Variants in ATP6V1C2 observed in about 807,000 individuals in gnomAD.
ATP6V1C2 encodes ATPase H+ transporting V1 subunit C2, also known as V-type proton ATPase subunit C 2.
Under a neutral mutation model 56.8 loss-of-function variants are expected in ATP6V1C2, and 45 were observed. The ratio of observed to expected loss-of-function variants is 0.79; its 90% CI spans 0.62 to 1.02. ATP6V1C2 has a LOEUF of 1.02. ATP6V1C2 is among the 50% of genes least tolerant of loss of function. The pLI, the probability that ATP6V1C2 is intolerant of heterozygous loss-of-function variation, is 0.00. For synonymous variants in ATP6V1C2, 220 were observed against 201.3 expected, an observed-to-expected ratio of 1.09 and a Z score of -0.79; for missense variants, 463 against 519.7, an observed-to-expected ratio of 0.89 and a Z score of 1.06.
chr2:10,743,907 C>T (rs1445572918), intron 3 of ATP6V1C2, among the ~76,000 whole-genome samples: 1 of 151,488 alleles, frequency 6.6e-6, no homozygotes, highest in Non-Finnish European at 1.5e-5. Context: ...ATAGCTGGAA[C>T]CCGGAGGCGG....
intron 3 of ATP6V1C2, among the ~76,000 whole-genome samples, chr2:10,739,285 AAAATAAAT>A (rs143835779): frequency 6.6e-6 from 1 of 151,664 alleles, no homozygotes; most frequent in Non-Finnish European, 1.5e-5. Context: ...CTCCGTCTCA[AAAATAAAT>A]AAATAAATAA....
At position 10,783,451 on chromosome 2, in the gene ATP6V1C2, G is replaced by A. The variant is rs1255849980; in HGVS notation, c.*188G>A. ...TAAAATGCTCTCAAGTCCTTTGAATGTTCCAACAAATTCAAAACTTCATTT... is the reference window on the plus strand; with the variant it reads ...TAAAATGCTCTCAAGTCCTTTGAATATTCCAACAAATTCAAAACTTCATTT... On this transcript the variant is annotated 3_prime_UTR_variant, in exon 14 of 14. Transcript: ENST00000272238. 2 of 499,830 alleles carry A rather than the reference G, an allele frequency of 4.0e-6. No homozygotes were observed. The highest frequency in any genetic ancestry group is 2.6e-5 in the South Asian group (1 of 37,738). 31.0% of individuals were successfully genotyped at this position (499,830 alleles called of 1,614,324 possible). A position where few individuals can be genotyped will look rare whatever the true frequency, so the allele number is the denominator to read the frequency against.
chr2:10,729,780 A>C (rs1489250266), intron 3 of ATP6V1C2, among the ~76,000 whole-genome samples: 1 of 152,136 alleles, frequency 6.6e-6, no homozygotes, highest in Non-Finnish European at 1.5e-5. Context: ...GCTTGAGCCC[A>C]GGAGGTCGAG....
rs1182365102 is a variant in ATP6V1C2 at position 10,783,998 on chromosome 2, G to C, written c.*735G>C. On this transcript the variant is annotated 3_prime_UTR_variant, in exon 14 of 14. Transcript: ENST00000272238. ...CAGCAGTCAGAGAGAAAAATGTTTC[G>C]ACAGCCAAGTTTTCTTCAAAATATT... The C allele has an allele frequency of 1.4e-5, 4 of 290,162 alleles. No individual in the cohort carries two copies. Among genetic ancestry groups the C allele is most frequent in the African/African-American group, 2.2e-5 (1 of 45,728 alleles). The allele number at this position is 290,162 out of a possible 1,614,324, so 18.0% of individuals were successfully genotyped here.
intron 13 of ATP6V1C2, among the ~76,000 whole-genome samples, 175 bp from the exon 14 acceptor site, chr2:10,782,999 T>C (rs1665481114): frequency 6.6e-6 from 1 of 152,102 alleles, no homozygotes; most frequent in African/African-American, 2.4e-5. Context: ...CAGCCTGTTA[T>C]GAAAATCTAC....
chr2:10,726,501 G>C lies in ATP6V1C2; in HGVS notation c.130-1G>C. 1 of 1,613,794 alleles carries C rather than the reference G, an allele frequency of 6.2e-7. No individual in the cohort carries two copies. The highest frequency in any genetic ancestry group is 8.5e-7 in the Non-Finnish European group (1 of 1,179,690). ...CTCTGACGTTTTTATGATCTGTCTA[G>C]GTGGGGACCTTGGATTCCCTGGTTG... is the stretch of plus-strand genomic sequence containing the variant. On this transcript the variant is annotated splice_acceptor_variant, in intron 2 of 13. Coordinates refer to ENST00000272238, the MANE Select transcript of ATP6V1C2 (RefSeq NM_001039362.2). LOFTEE classifies it high-confidence loss of function.
intron 11 of ATP6V1C2, chr2:10,778,345 C>A: frequency 1.8e-6 from 1 of 557,602 alleles, no homozygotes; most frequent in Non-Finnish European, 3.2e-6. Context: ...CTGTGGTGGC[C>A]CCGTGCATGC....
In ATP6V1C2 at chr2:10,763,196, G is replaced by A. The variant is rs151103598; in HGVS notation, c.284-1135G>A. Among the ~76,000 whole-genome samples, 33 of 152,176 alleles carry A rather than the reference G, an allele frequency of 2.2e-4. No homozygotes were observed. The highest frequency in any genetic ancestry group is 2.1e-3 in the South Asian group (10 of 4,818). ...CCTCTTCCCTGACTCACAGTGCCCC[G>A]AGTACGTAGCGCTGCCAGCCCTCCT... is the stretch of plus-strand genomic sequence containing the variant. On this transcript the variant is annotated intron_variant, in intron 4 of 13. Transcript: ENST00000272238. The surrounding 1 kb of genome is among the most constrained non-coding windows in gnomAD (Gnocchi z 4.2).
At chr2:10,729,242 A>G (rs370189218) in intron 3 of ATP6V1C2, among the ~76,000 whole-genome samples, 7 of 150,454 alleles carry the variant, frequency 4.7e-5, no homozygotes, top group Admixed American at 1.3e-4. Context: ...TGGGCTCACT[A>G]CAGCCTCTGC....
chr2:10,777,345 A>G (rs543089103), intron 10 of ATP6V1C2, among the ~76,000 whole-genome samples: 1 of 152,234 alleles, frequency 6.6e-6, no homozygotes, highest in African/African-American at 2.4e-5. Context: ...TCTGCCAGAG[A>G]TCGGCTCTGT....
At chr2:10,781,091 C>T (rs558354214) in intron 12 of ATP6V1C2, among the ~76,000 whole-genome samples, 31 of 152,154 alleles carry the variant, frequency 2.0e-4, no homozygotes, top group African/African-American at 5.5e-4. Context: ...ATTAGCAGGA[C>T]GGGTGCCACA....
intron 4 of ATP6V1C2, among the ~76,000 whole-genome samples, chr2:10,762,334 C>T (rs946505709): frequency 6.6e-5 from 10 of 151,902 alleles, no homozygotes; most frequent in Admixed American, 2.6e-4. Context: ...TTAGCAGGGA[C>T]GGGGTTTCAC....
chr2:10,736,867 C>T (rs1402008111), intron 3 of ATP6V1C2, among the ~76,000 whole-genome samples: 1 of 143,268 alleles, frequency 7.0e-6, no homozygotes, highest in African/African-American at 2.6e-5. Context: ...CTGCCTCAGA[C>T]TCTTGAGTAG....
At chr2:10,762,118 T>C (rs1053091226) in intron 4 of ATP6V1C2, among the ~76,000 whole-genome samples, 5 of 152,042 alleles carry the variant, frequency 3.3e-5, no homozygotes, top group African/African-American at 7.2e-5. Flanking sequence ...GAGATCATCA[T>C]AGGGTTTTAA....
At chr2:10,777,468 G>A (rs3856467) in intron 10 of ATP6V1C2, 117 bp from the exon 11 acceptor site, 114,853 of 1,375,986 alleles carry the variant, frequency 0.083, 5,502 homozygotes, top group South Asian at 0.14. Flanking sequence ...CGCGAGTCCC[G>A]AGGGTGGGCC....
At chr2:10,772,485 A>G (rs1664683426) in intron 7 of ATP6V1C2, 57 bp from the exon 8 acceptor site, 3 of 1,444,542 alleles carry the variant, frequency 2.1e-6, no homozygotes, top group South Asian at 1.1e-5. Flanking sequence ...CTAGGCACTC[A>G]GGACACCCAC....
chr2:10,737,399 G>T (rs1428975984), intron 3 of ATP6V1C2, among the ~76,000 whole-genome samples: 1 of 150,100 alleles, frequency 6.7e-6, no homozygotes, highest in Non-Finnish European at 1.5e-5. Context: ...CTCCAGCCTG[G>T]GCGAGTGAGA....
rs200774222 is a variant in ATP6V1C2, at chr2:10,745,044, T to TA, written c.198-8937_198-8936insA. 2.9e-4 allele frequency among the ~76,000 whole-genome samples: 43 copies of TA among 146,308 alleles called. No homozygotes were observed. In the South Asian group the frequency reaches 5.1e-3, roughly 17 times the overall value. ...TTACCATTTGTTTATTTATTTTCTT[T>TA]TTTTTTTTTTTTTTTCTGAGACGGA... On this transcript the variant is annotated intron_variant, in intron 3 of 13. Transcript: ENST00000272238.
chr2:10,784,789 T>C lies in ATP6V1C2; in HGVS notation c.*1526T>C. 2 of 612,860 alleles carry C rather than the reference T, an allele frequency of 3.3e-6. No individual in the cohort carries two copies. The highest frequency in any genetic ancestry group is 5.8e-6 in the Non-Finnish European group (2 of 344,288). 38.0% of individuals were successfully genotyped at this position (612,860 alleles called of 1,614,324 possible). A position where few individuals can be genotyped will look rare whatever the true frequency, so the allele number is the denominator to read the frequency against. On this transcript the variant is annotated 3_prime_UTR_variant, in exon 14 of 14. Transcript: ENST00000272238. The stretch of plus-strand genomic sequence containing the variant: ...CTTGTGATAAGGAAGATGAAGGGTC[T>C]TCAGAGAAGAACCTCTTAAAAGGCC...
Sources: gnomAD v4.1 joint callset for allele counts (sites outside exome capture counted in the v4.1 genomes callset) on GRCh38, gnomAD v4.1.1 for gene constraint, Gnocchi (gnomAD v3.1) non-coding constraint, MANE v1.5 for transcripts, NCBI Gene and HGNC (gene_info 2026-07-23, HGNC 2026-07-21) for gene names.